The following RAB38 variants were observed in gnomAD, a reference collection of about 807,000 sequenced individuals.
RAB38 encodes RAB38, member RAS oncogene family.
RAB38 carries 15 observed loss-of-function variants against 18.4 expected under a neutral mutation model. That is an observed-to-expected ratio of 0.82 (90% confidence interval 0.55 to 1.26). RAB38 has a LOEUF of 1.26. Ranked by LOEUF, RAB38 falls within the 50% of genes most tolerant of loss-of-function variation. The pLI is 0.00. For synonymous variants in RAB38, 101 were observed against 104.4 expected (o/e 0.97, Z 0.20); for missense variants, 294 against 267.4 (o/e 1.10, Z -0.69).
the RAB38 span, among the ~76,000 whole-genome samples, chr11:87,875,061 A>G: frequency 6.6e-6 from 1 of 151,616 alleles, no homozygotes; most frequent in Non-Finnish European, 1.5e-5. Flanking sequence ...CAAAGATTAC[A>G]AAGTTTCAGA....
At chr11:88,091,634 C>T in the RAB38 span, among the ~76,000 whole-genome samples, 3 of 151,982 alleles carry the variant, frequency 2.0e-5, no homozygotes, top group African/African-American at 7.2e-5. Context: ...ATTTTGCTGT[C>T]TCACTACCAC....
At chr11:87,819,091 G>A in the RAB38 span, among the ~76,000 whole-genome samples, 1 of 152,186 alleles carries the variant, frequency 6.6e-6, no homozygotes, top group Non-Finnish European at 1.5e-5. Flanking sequence ...TCAGGTTTGC[G>A]GATTTCTGTT....
downstream of RAB38, among the ~76,000 whole-genome samples, chr11:88,110,018 G>A (rs972912506): frequency 1.3e-5 from 2 of 152,116 alleles, no homozygotes; most frequent in Admixed American, 6.5e-5. Flanking sequence ...CCATTACTGG[G>A]CATATACCCA....
At chr11:87,832,014 A>G in the RAB38 span, among the ~76,000 whole-genome samples, 1 of 152,214 alleles carries the variant, frequency 6.6e-6, no homozygotes, top group African/African-American at 2.4e-5. Context: ...TTAATGTTCA[A>G]AAGAAATGTT....
the RAB38 span, among the ~76,000 whole-genome samples, chr11:87,887,307 T>TA: frequency 0.025 from 3,864 of 152,086 alleles, 198 homozygotes; most frequent in Admixed American, 0.13. Context: ...TTTAGCAACT[T>TA]ACTGCTGCCC....
chr11:87,900,661 T>TAGGAGGGA, the RAB38 span, among the ~76,000 whole-genome samples: 1 of 131,216 alleles, frequency 7.6e-6, no homozygotes, highest in Non-Finnish European at 1.6e-5. Context: ...GAAAGAAAGG[T>TAGGAGGGA]AGGAAGGAAG....
At chr11:88,053,201 G>A in the RAB38 span, among the ~76,000 whole-genome samples, 21 of 82,476 alleles carry the variant, frequency 2.5e-4, no homozygotes, top group Admixed American at 3.0e-4. Context: ...ACATATATAT[G>A]GAATATATAT....
At chr11:87,823,814 T>TA in the RAB38 span, among the ~76,000 whole-genome samples, 1 of 151,986 alleles carries the variant, frequency 6.6e-6, no homozygotes, top group African/African-American at 2.4e-5. Context: ...TATTCAGCAA[T>TA]AAAAAGGAAC....
chr11:88,142,619 G>T (rs1565215099), intron 2 of RAB38, among the ~76,000 whole-genome samples: 1 of 152,162 alleles, frequency 6.6e-6, no homozygotes, highest in African/African-American at 2.4e-5. Flanking sequence ...ATCAGAATCA[G>T]GGATTCTAAT....
the RAB38 span, among the ~76,000 whole-genome samples, chr11:88,093,272 G>A: frequency 2.0e-5 from 3 of 151,782 alleles, no homozygotes; most frequent in African/African-American, 7.3e-5. Context: ...GATCCAATCT[G>A]CAATAAACAT....
At chr11:88,110,877 G>A (rs141436242), downstream of RAB38, among the ~76,000 whole-genome samples, 316 of 151,660 alleles carry the variant, frequency 2.1e-3, no homozygotes, top group African/African-American at 7.2e-3. Flanking sequence ...CTGGTGGCTC[G>A]CACCTGTAAA....
At chr11:87,900,086 A>C in the RAB38 span, among the ~76,000 whole-genome samples, 10 of 151,482 alleles carry the variant, frequency 6.6e-5, no homozygotes, top group African/African-American at 1.9e-4. Flanking sequence ...CCTTACACCA[A>C]GGAGCTTACA....
chr11:87,824,825 A>T, the RAB38 span, among the ~76,000 whole-genome samples: 1 of 152,178 alleles, frequency 6.6e-6, no homozygotes, highest in Non-Finnish European at 1.5e-5. Flanking sequence ...ACTGTGAAAA[A>T]AGAAAGTTAA....
the RAB38 span, among the ~76,000 whole-genome samples, chr11:88,013,649 A>G: frequency 6.6e-6 from 1 of 152,136 alleles, no homozygotes; most frequent in Non-Finnish European, 1.5e-5. Flanking sequence ...TCACTCAAAG[A>G]AGGACTCATC....
chr11:87,935,979 A>C, the RAB38 span, among the ~76,000 whole-genome samples: 3,542 of 152,088 alleles, frequency 0.023, 137 homozygotes, highest in African/African-American at 0.081. Flanking sequence ...TCTTGTGCCC[A>C]TGTTCTAATT....
At chr11:88,046,412 C>T in the RAB38 span, among the ~76,000 whole-genome samples, 1 of 152,186 alleles carries the variant, frequency 6.6e-6, no homozygotes, top group Non-Finnish European at 1.5e-5. Flanking sequence ...TCTCCACAAC[C>T]CGTTATTCTG....
chr11:87,827,642 A>G, the RAB38 span, among the ~76,000 whole-genome samples: 2 of 152,166 alleles, frequency 1.3e-5, no homozygotes, highest in African/African-American at 2.4e-5. Flanking sequence ...CCATATTACT[A>G]TAATATAAAC....
chr11:88,126,861 A>G (rs1942702537), intron 2 of RAB38, among the ~76,000 whole-genome samples: 1 of 152,198 alleles, frequency 6.6e-6, no homozygotes, highest in Non-Finnish European at 1.5e-5. Context: ...GGATGTGTAT[A>G]AAGTGAGAGG....
intron 1 of RAB38, among the ~76,000 whole-genome samples, chr11:88,154,680 T>C (rs1416034072): frequency 6.6e-6 from 1 of 152,152 alleles, no homozygotes; most frequent in African/African-American, 2.4e-5. Flanking sequence ...TATCCAGGCA[T>C]TCAGACGACC....
Sources: gnomAD v4.1 joint callset for allele counts (sites outside exome capture counted in the v4.1 genomes callset) on GRCh38, gnomAD v4.1.1 for gene constraint, MANE v1.5 for transcripts, NCBI Gene and HGNC (gene_info 2026-07-23, HGNC 2026-07-21) for gene names.